Variants in NET1 observed in about 807,000 individuals in gnomAD.
NET1 encodes the protein neuroepithelial cell transforming 1.
Under a neutral mutation model 61.1 loss-of-function variants are expected in NET1, and 42 were observed. The observed-to-expected ratio is 0.69, with a 90% CI of 0.54 to 0.89. The LOEUF (loss-of-function observed/expected upper bound fraction) is 0.89. NET1 is among the 40% of genes least tolerant of loss of function. The probability of loss-of-function intolerance (pLI) is 0.00; values close to 1 mark genes in which losing one functional copy is unlikely to be tolerated. For synonymous variants in NET1, 254 were observed against 281.8 expected (o/e 0.90, Z 0.99); for missense variants, 654 against 747.3 (o/e 0.88, Z 1.46).
rs1322813164 is a variant in NET1, at chr10:5,449,560, A to G, written c.256-2270A>G. On this transcript the variant is annotated intron_variant, in intron 3 of 11. Coordinates refer to ENST00000355029, the MANE Select transcript of NET1 (RefSeq NM_001047160.3). This position sits in a 1 kb window ranked among gnomAD's most constrained non-coding sequence, Gnocchi z 4.4. ...CTGCCACCCTAAAGAGACCACATCA[A>G]CAAAACCCGTGTTCGTTTCAGAAGT... Among the ~76,000 whole-genome samples, 1 of 152,228 alleles carries G rather than the reference A, an allele frequency of 6.6e-6. No individual in the cohort carries two copies. The highest frequency in any genetic ancestry group is 1.9e-4 in the East Asian group (1 of 5,206).
At chr10:5,432,328 CT>C (rs1223964750) in intron 3 of NET1, among the ~76,000 whole-genome samples, 1 of 152,206 alleles carries the variant, frequency 6.6e-6, no homozygotes, top group Non-Finnish European at 1.5e-5. Flanking sequence ...GTTCCTTCAA[CT>C]TCACCAAAAG....
rs1413611024 is a variant in NET1 at position 5,422,414 on chromosome 10, C to T, written c.129-4241C>T. Among the ~76,000 whole-genome samples, 1 of 151,976 alleles carries T rather than the reference C, an allele frequency of 6.6e-6. No homozygotes were observed. Among genetic ancestry groups the T allele is most frequent in the Non-Finnish European group, 1.5e-5 (1 of 68,006 alleles). On this transcript the variant is annotated intron_variant, in intron 1 of 11. Coordinates refer to ENST00000355029, the MANE Select transcript of NET1 (RefSeq NM_001047160.3). This position sits in a 1 kb window ranked among gnomAD's most constrained non-coding sequence, Gnocchi z 4.1. Reference sequence around the variant, plus strand: ...ATTCTTGGGGGTGGAATTATCAGGTCCTACGGTAAACTTACCACTAACATC... The same window carrying T: ...ATTCTTGGGGGTGGAATTATCAGGTTCTACGGTAAACTTACCACTAACATC...
In NET1 at chr10:5,420,107, C is replaced by T. The variant is rs939837240; in HGVS notation, c.129-6548C>T. ...ATTGTTTCTCTGAAGTTTTTTTCTG[C>T]TCTTTTCTCTTTTCCTCTCTTTCTG... On this transcript the variant is annotated intron_variant, in intron 1 of 11. Transcript: ENST00000355029. This position sits in a 1 kb window ranked among gnomAD's most constrained non-coding sequence, Gnocchi z 5.3. Among the ~76,000 whole-genome samples, 1 of 152,042 alleles carries T rather than the reference C, an allele frequency of 6.6e-6. No individual in the cohort carries two copies. Among genetic ancestry groups the T allele is most frequent in the Non-Finnish European group, 1.5e-5 (1 of 67,994 alleles).
chr10:5,456,775 G>A lies in NET1; in HGVS notation c.1572G>A (p.Gly524=), dbSNP rs1198367522. 2.5e-6 allele frequency: 4 copies of A among 1,613,256 alleles called. No homozygotes were observed. The highest frequency in any genetic ancestry group is 3.4e-6 in the Non-Finnish European group (4 of 1,179,550). ...GLPELHEECE[G]NHPSARKLTA... is the part of the protein sequence containing the mutation. ...CGGAGCTGCACGAAGAGTGTGAGGG[G>A]AACCACCCCTCTGCGAGGAAACTCA... Residue 524 remains glycine (G), a synonymous_variant, in exon 12 of 12, where the codon GGG becomes GGA. Coordinates refer to ENST00000355029, the MANE Select transcript of NET1 (RefSeq NM_001047160.3). This position sits in a 1 kb window ranked among gnomAD's most constrained non-coding sequence, Gnocchi z 7.0.
In NET1 at chr10:5,452,596, G is replaced by C; in HGVS notation, c.531+71G>C. On this transcript the variant is annotated intron_variant, in intron 5 of 11. Coordinates refer to ENST00000355029, the MANE Select transcript of NET1 (RefSeq NM_001047160.3). The surrounding 1 kb of genome is among the most constrained non-coding windows in gnomAD (Gnocchi z 4.0). ...TTGATGCCGATGGCAAAATTAACTT[G>C]GATTTTTGTGTTTGAGCAACAATTC... The C allele has an allele frequency of 2.0e-6, 3 of 1,477,484 alleles. No homozygotes were observed. The highest frequency in any genetic ancestry group is 2.8e-6 in the Non-Finnish European group (3 of 1,086,640). 91.5% of individuals were successfully genotyped at this position (1,477,484 alleles called of 1,614,324 possible). A position where few individuals can be genotyped will look rare whatever the true frequency, so the allele number is the denominator to read the frequency against.
intron 3 of NET1, 149 bp downstream of exon 3, chr10:5,429,378 T>C (rs1018419785): frequency 5.8e-5 from 34 of 585,726 alleles, no homozygotes; most frequent in Middle Eastern, 4.1e-4. Flanking sequence ...ATAATATTAG[T>C]TCATAGACAC....
intron 3 of NET1, among the ~76,000 whole-genome samples, chr10:5,450,880 C>G (rs917610984): frequency 2.0e-5 from 3 of 152,080 alleles, no homozygotes; most frequent in African/African-American, 7.2e-5. Context: ...GATGTGTTTG[C>G]TATATTATTA....
In NET1 at chr10:5,431,179, A is replaced by C. The variant is rs1832344308; in HGVS notation, c.255+1950A>C. 1.3e-5 allele frequency among the ~76,000 whole-genome samples: 2 copies of C among 152,118 alleles called. No homozygotes were observed. The highest frequency in any genetic ancestry group is 4.1e-4 in the South Asian group (2 of 4,826). Reference sequence around the variant, plus strand: ...AGCCACCGCGCCCGGCCTTAACTATATCTCTTAAGTCTCTTTTAGTTCATT... The same window carrying C: ...AGCCACCGCGCCCGGCCTTAACTATCTCTCTTAAGTCTCTTTTAGTTCATT... On this transcript the variant is annotated intron_variant, in intron 3 of 11. Coordinates refer to ENST00000355029, the MANE Select transcript of NET1 (RefSeq NM_001047160.3). The surrounding 1 kb of genome is among the most constrained non-coding windows in gnomAD (Gnocchi z 4.9).
chr10:5,424,433 AT>A lies in NET1; in HGVS notation c.129-2221del, dbSNP rs1832227001. On this transcript the variant is annotated intron_variant, in intron 1 of 11. Coordinates refer to ENST00000355029, the MANE Select transcript of NET1 (RefSeq NM_001047160.3). This position sits in a 1 kb window ranked among gnomAD's most constrained non-coding sequence, Gnocchi z 6.1. The stretch of plus-strand genomic sequence containing the variant: ...ATTTTACCATTTGTTTATGATAGTA[AT>A]CCTATGTATTTCTTGATACAAATTA... Among the ~76,000 whole-genome samples, 1 of 152,244 alleles carries A rather than the reference AT, an allele frequency of 6.6e-6. No individual in the cohort carries two copies. Among genetic ancestry groups the A allele is most frequent in the East Asian group, 1.9e-4 (1 of 5,176 alleles).
chr10:5,426,894 T>C lies in NET1; in HGVS notation c.195+173T>C, dbSNP rs141791711. ...GTCCTTTTCTGCTAACAAGCTGTAA[T>C]AACTTTTTGTTTCAAGTAAATATAA... On this transcript the variant is annotated intron_variant, in intron 2 of 11. Transcript: ENST00000355029. The surrounding 1 kb of genome is among the most constrained non-coding windows in gnomAD (Gnocchi z 4.6). Among the ~76,000 whole-genome samples, 502 of 152,310 alleles carry C rather than the reference T, an allele frequency of 3.3e-3. 5 individuals are homozygous for C. Among genetic ancestry groups the C allele is most frequent in the African/African-American group, 0.011 (473 of 41,580 alleles).
rs949215081 is a variant in NET1, at chr10:5,424,867, T to C, written c.129-1788T>C. Among the ~76,000 whole-genome samples, 1 of 152,194 alleles carries C rather than the reference T, an allele frequency of 6.6e-6. No homozygotes were observed. Among genetic ancestry groups the C allele is most frequent in the Non-Finnish European group, 1.5e-5 (1 of 68,028 alleles). Reference sequence around the variant, plus strand: ...AATCAGCTTCTCCTCTCTAATCTTGTTACTGCTGCCAGAGCCCCAGTCATC... The same window carrying C: ...AATCAGCTTCTCCTCTCTAATCTTGCTACTGCTGCCAGAGCCCCAGTCATC... On this transcript the variant is annotated intron_variant, in intron 1 of 11. Coordinates refer to ENST00000355029, the MANE Select transcript of NET1 (RefSeq NM_001047160.3). This position sits in a 1 kb window ranked among gnomAD's most constrained non-coding sequence, Gnocchi z 6.1.
At position 5,459,011 on chromosome 10, in the gene NET1, A is replaced by G. The variant is rs983343948; in HGVS notation, c.*2017A>G. Among the ~76,000 whole-genome samples, 4 of 152,186 alleles carry G rather than the reference A, an allele frequency of 2.6e-5. No homozygotes were observed. The highest frequency in any genetic ancestry group is 6.5e-5 in the Admixed American group (1 of 15,286). The stretch of plus-strand genomic sequence containing the variant: ...TGGTTCCCTCAAAGGTAAAAATAAG[A>G]CCCAGAATCTGAGTAAATCTATTAA... On this transcript the variant is annotated 3_prime_UTR_variant, in exon 12 of 12. Transcript: ENST00000355029.
chr10:5,454,577 T>G lies in NET1; in HGVS notation c.1026+55T>G, dbSNP rs1832766591. ...TTTTTAAGTTTATACATTAGGCTGC[T>G]TTAGAACGTTATCTTCTGAAGATGC... is the stretch of plus-strand genomic sequence containing the variant. On this transcript the variant is annotated intron_variant, in intron 9 of 11. Coordinates refer to ENST00000355029, the MANE Select transcript of NET1 (RefSeq NM_001047160.3). This position sits in a 1 kb window ranked among gnomAD's most constrained non-coding sequence, Gnocchi z 8.1. 1.3e-6 allele frequency: 2 copies of G among 1,552,128 alleles called. No individual in the cohort carries two copies. The highest frequency in any genetic ancestry group is 1.4e-5 in the African/African-American group (1 of 72,414).
chr10:5,429,337 TG>T (rs1832311967), intron 3 of NET1, 108 bp downstream of exon 3: 1 of 848,144 alleles, frequency 1.2e-6, no homozygotes, highest in East Asian at 2.6e-5. Context: ...TTTGTTTTTT[TG>T]TTTTTTGCAT....
chr10:5,453,000 C>A lies in NET1; in HGVS notation c.594+80C>A. The A allele has an allele frequency of 4.9e-6, 5 of 1,026,856 alleles. No individual in the cohort carries two copies. Among genetic ancestry groups the A allele is most frequent in the East Asian group, 2.4e-5 (1 of 42,082 alleles). The allele number at this position is 1,026,856 out of a possible 1,614,324, so 63.6% of individuals were successfully genotyped here. ...AAATCTAAAGGATAGTTTTCTTAACCTTTAGAAGTAGAAGAATAGAAAATA... is the reference window on the plus strand; with the variant it reads ...AAATCTAAAGGATAGTTTTCTTAACATTTAGAAGTAGAAGAATAGAAAATA... On this transcript the variant is annotated intron_variant, in intron 6 of 11. Coordinates refer to ENST00000355029, the MANE Select transcript of NET1 (RefSeq NM_001047160.3). This position sits in a 1 kb window ranked among gnomAD's most constrained non-coding sequence, Gnocchi z 4.0.
intron 3 of NET1, among the ~76,000 whole-genome samples, chr10:5,436,479 AC>A (rs1293322626): frequency 6.7e-6 from 1 of 149,942 alleles, no homozygotes; most frequent in Non-Finnish European, 1.5e-5. Flanking sequence ...CACGTGATCC[AC>A]CTGCCTCGGC....
Position 5,431,098 on chromosome 10 carries a change from C to A in NET1, c.255+1869C>A, listed in dbSNP as rs541729993. On this transcript the variant is annotated intron_variant, in intron 3 of 11. Transcript: ENST00000355029. The surrounding 1 kb of genome is among the most constrained non-coding windows in gnomAD (Gnocchi z 4.9). ...GTGTTAGCCAGGATGGTCTCGATCT[C>A]CTGACCTCGTGATCCGCCTGCCTCG... Among the ~76,000 whole-genome samples, 26 of 152,018 alleles carry A rather than the reference C, an allele frequency of 1.7e-4. No individual in the cohort carries two copies. Among genetic ancestry groups the A allele is most frequent in the Middle Eastern group, 3.4e-3 (1 of 292 alleles).
rs777627891 is a variant in NET1 at position 5,446,078 on chromosome 10, G to T, written c.256-5752G>T. On this transcript the variant is annotated intron_variant, in intron 3 of 11. Coordinates refer to ENST00000355029, the MANE Select transcript of NET1 (RefSeq NM_001047160.3). This position sits in a 1 kb window ranked among gnomAD's most constrained non-coding sequence, Gnocchi z 5.0. Reference sequence around the variant, plus strand: ...TAACCTCATGGGAGATTTTCTTCTGGAAGAGAGGTAACAGAAGTGCACCTG... The same window carrying T: ...TAACCTCATGGGAGATTTTCTTCTGTAAGAGAGGTAACAGAAGTGCACCTG... Among the ~76,000 whole-genome samples the T allele has an allele frequency of 6.6e-6, 1 of 152,156 alleles. No individual in the cohort carries two copies. The highest frequency in any genetic ancestry group is 1.5e-5 in the Non-Finnish European group (1 of 68,034).
At position 5,412,862 on chromosome 10, in the gene NET1, A is replaced by AT; in HGVS notation, c.128+42_128+43insT. Reference sequence around the variant, plus strand: ...GGAGGGCCGAACGGGAGGTGAGTGTAGGGGAGCGGAGGGCCGAACGGGAGG... The same window carrying AT: ...GGAGGGCCGAACGGGAGGTGAGTGTATGGGGAGCGGAGGGCCGAACGGGAGG... On this transcript the variant is annotated intron_variant, in intron 1 of 11. Coordinates refer to ENST00000355029, the MANE Select transcript of NET1 (RefSeq NM_001047160.3). The surrounding 1 kb of genome is among the most constrained non-coding windows in gnomAD (Gnocchi z 6.5). 1.1e-6 allele frequency: 1 copy of AT among 943,814 alleles called. No individual in the cohort carries two copies. The highest frequency in any genetic ancestry group is 1.3e-6 in the Non-Finnish European group (1 of 781,488). 58.5% of individuals were successfully genotyped at this position (943,814 alleles called of 1,614,324 possible).
Sources: allele counts gnomAD v4.1 joint callset (sites outside exome capture counted in the v4.1 genomes callset), GRCh38; gene constraint gnomAD v4.1.1; non-coding constraint Gnocchi (gnomAD v3.1); transcripts MANE v1.5; gene names NCBI Gene and HGNC (gene_info 2026-07-23, HGNC 2026-07-21).